Variants in THRB observed in about 807,000 individuals in gnomAD.
THRB encodes nuclear receptor subfamily 1 group A member 2.
Under a neutral mutation model 47.8 loss-of-function variants are expected in THRB, and 12 were observed. The observed-to-expected ratio is 0.25, with a 90% confidence interval of 0.16 to 0.41. The LOEUF is 0.41. THRB is among the 10% of genes least tolerant of loss of function. The probability of loss-of-function intolerance (pLI) is 1.00; values close to 1 mark genes in which losing one functional copy is unlikely to be tolerated. For missense variants in THRB, 348 were observed against 589.2 expected, an observed-to-expected ratio of 0.59 and a Z score of 4.24; for synonymous variants, 218 against 212.2, an observed-to-expected ratio of 1.03 and a Z score of -0.24.
chr3:24,349,771 G>C (rs2149526390), intron 1 of THRB, among the ~76,000 whole-genome samples: 1 of 152,130 alleles, frequency 6.6e-6, no homozygotes, highest in Non-Finnish European at 1.5e-5. Context: ...ATATATTCAT[G>C]ATTTGGGGGT....
At chr3:24,355,162 C>T (rs951394452) in intron 1 of THRB, among the ~76,000 whole-genome samples, 6 of 152,098 alleles carry the variant, frequency 3.9e-5, no homozygotes, top group Admixed American at 3.9e-4. Flanking sequence ...TGATATGATG[C>T]ACTGAGAAGG....
At chr3:24,203,782 C>A (rs982405429) in intron 4 of THRB, among the ~76,000 whole-genome samples, 1 of 152,216 alleles carries the variant, frequency 6.6e-6, no homozygotes, top group African/African-American at 2.4e-5. Flanking sequence ...ACAGACGGCA[C>A]CTGGAAAATC....
At chr3:24,199,362 T>C (rs141108478) in intron 4 of THRB, among the ~76,000 whole-genome samples, 1 of 152,336 alleles carries the variant, frequency 6.6e-6, no homozygotes, top group East Asian at 1.9e-4. Flanking sequence ...AATGGTTTTG[T>C]CTTTCTTTTA....
intron 4 of THRB, among the ~76,000 whole-genome samples, chr3:24,209,313 A>AT (rs1168235830): frequency 6.6e-6 from 1 of 152,222 alleles, no homozygotes; most frequent in African/African-American, 2.4e-5. Flanking sequence ...TGACCCAGCC[A>AT]TCCCATTACT....
At chr3:24,421,023 A>G (rs1162043214) in intron 1 of THRB, among the ~76,000 whole-genome samples, 2 of 152,014 alleles carry the variant, frequency 1.3e-5, no homozygotes, top group African/African-American at 4.8e-5. Flanking sequence ...CAGCCATAAA[A>G]AAGAATGAGG....
Position 24,122,167 on chromosome 3 carries a change from A to C in THRB, c.*717T>G, listed in dbSNP as rs1028370020. On this transcript the variant is annotated 3_prime_UTR_variant, in exon 11 of 11. Transcript: ENST00000646209. ...ACCATGCAGTCACTGACATTGGTGA[A>C]GATTTCTAATTTCTCTGGGCTCACT... 6.5e-6 allele frequency: 1 copy of C among 152,976 alleles called. No individual in the cohort carries two copies. The highest frequency in any genetic ancestry group is 1.5e-5 in the Non-Finnish European group (1 of 68,296). 9.5% of individuals were successfully genotyped at this position (152,976 alleles called of 1,614,324 possible).
At chr3:24,359,677 A>T (rs1397033545) in intron 1 of THRB, among the ~76,000 whole-genome samples, 1 of 152,168 alleles carries the variant, frequency 6.6e-6, no homozygotes, top group Non-Finnish European at 1.5e-5. Flanking sequence ...CTGTCACTGG[A>T]AACATTGCCA....
chr3:24,361,145 A>G (rs2064035689), intron 1 of THRB, among the ~76,000 whole-genome samples: 1 of 152,160 alleles, frequency 6.6e-6, no homozygotes. Flanking sequence ...AACAAAATAA[A>G]CCACATCTGC....
Position 24,301,012 on chromosome 3 carries a change from A to G in THRB, c.-188-3641T>C, listed in dbSNP as rs116584006. ...CCTAAATTGAATGACAAGTGTCCTT[A>G]TAAGAGACACACAGAGGGGAGACAC... On this transcript the variant is annotated intron_variant, in intron 2 of 10. Coordinates refer to ENST00000646209, the MANE Select transcript of THRB (RefSeq NM_001354712.2). 9.1e-3 allele frequency among the ~76,000 whole-genome samples: 1,384 copies of G among 152,314 alleles called. 24 individuals are homozygous for G. Among genetic ancestry groups the G allele is most frequent in the African/African-American group, 0.032 (1,320 of 41,576 alleles).
At chr3:24,183,336 T>C (rs2042142708) in intron 5 of THRB, among the ~76,000 whole-genome samples, 3 of 147,068 alleles carry the variant, frequency 2.0e-5, no homozygotes, top group African/African-American at 2.5e-5. Context: ...ATCTTTCATC[T>C]TTTTTCTTTT....
At chr3:24,457,140 G>T (rs891142833) in intron 1 of THRB, among the ~76,000 whole-genome samples, 11 of 152,084 alleles carry the variant, frequency 7.2e-5, no homozygotes, top group African/African-American at 2.7e-4. Flanking sequence ...ACACAAAAAT[G>T]AAGATTTCTA....
At chr3:24,169,669 A>C (rs1258952013) in intron 5 of THRB, among the ~76,000 whole-genome samples, 1 of 147,990 alleles carries the variant, frequency 6.8e-6, no homozygotes, top group Non-Finnish European at 1.5e-5. Context: ...TATACATAAT[A>C]ATTATAATAA....
At chr3:24,455,458 G>C (rs1292564945) in intron 1 of THRB, 1 of 152,096 alleles carries the variant, frequency 6.6e-6, no homozygotes, top group Non-Finnish European at 1.5e-5. Context: ...TGGGAAATAA[G>C]AAGTGAAAAA....
rs1357037480 is a variant in THRB, at chr3:24,120,869, T to C, written c.*2015A>G. On this transcript the variant is annotated 3_prime_UTR_variant, in exon 11 of 11. Transcript: ENST00000646209. ...CAAGTTCCATAGCAATGTTCTTGTTTCCTTTTTCCCAGAAGCCAGTACAAT... is the reference window on the plus strand; with the variant it reads ...CAAGTTCCATAGCAATGTTCTTGTTCCCTTTTTCCCAGAAGCCAGTACAAT... The C allele has an allele frequency of 1.3e-5, 2 of 152,342 alleles. No individual in the cohort carries two copies. The highest frequency in any genetic ancestry group is 1.9e-4 in the East Asian group (1 of 5,192). The allele number at this position is 152,342 out of a possible 1,614,324, so 9.4% of individuals were successfully genotyped here. A position where few individuals can be genotyped will look rare whatever the true frequency, so the allele number is the denominator to read the frequency against.
intron 1 of THRB, among the ~76,000 whole-genome samples, chr3:24,343,552 C>A (rs1438291123): frequency 6.6e-6 from 1 of 152,096 alleles, no homozygotes. Flanking sequence ...CAAAGCAACT[C>A]CTGTTTCCAA....
intron 3 of THRB, among the ~76,000 whole-genome samples, chr3:24,272,218 C>A (rs966956831): frequency 2.0e-5 from 3 of 151,996 alleles, no homozygotes; most frequent in Non-Finnish European, 2.9e-5. Flanking sequence ...TGGTGGCCCG[C>A]ACTTGTGGTC....
At chr3:24,415,622 A>G (rs181570327) in intron 1 of THRB, among the ~76,000 whole-genome samples, 2 of 152,032 alleles carry the variant, frequency 1.3e-5, no homozygotes, top group African/African-American at 2.4e-5. Context: ...CGGCACATGT[A>G]GTTGAGAAAA....
chr3:24,256,701 C>T (rs1177737309), intron 3 of THRB, among the ~76,000 whole-genome samples: 5 of 152,052 alleles, frequency 3.3e-5, no homozygotes, highest in Non-Finnish European at 7.4e-5. Flanking sequence ...TGTAGGTAGG[C>T]TCATGTGTCT....
At chr3:24,253,556 G>A (rs1020261915) in intron 3 of THRB, among the ~76,000 whole-genome samples, 3 of 152,196 alleles carry the variant, frequency 2.0e-5, no homozygotes, top group African/African-American at 7.2e-5. Flanking sequence ...TAGCAGTTGA[G>A]AGCTGCTGGC....
Sources: gnomAD v4.1 joint callset for allele counts (sites outside exome capture counted in the v4.1 genomes callset) on GRCh38, gnomAD v4.1.1 for gene constraint, MANE v1.5 for transcripts, NCBI Gene and HGNC (gene_info 2026-07-23, HGNC 2026-07-21) for gene names.